The following C2CD5 variants were observed in gnomAD, a reference collection of about 807,000 sequenced individuals.
C2CD5 encodes the protein C2 calcium dependent domain containing 5, also known as C2 domain-containing protein 5.
C2CD5 carries 109 observed loss-of-function variants against 130.3 expected under a neutral mutation model. The ratio of observed to expected loss-of-function variants is 0.84; its 90% confidence interval spans 0.72 to 0.98. C2CD5 has a LOEUF of 0.98. Ranked by LOEUF, C2CD5 falls within the 50% of genes least tolerant of loss-of-function variation. The pLI is 0.00. For missense variants in C2CD5, 996 were observed against 1,261.8 expected, an observed-to-expected ratio of 0.79 and a Z score of 3.19; for synonymous variants, 454 against 429.2, an observed-to-expected ratio of 1.06 and a Z score of -0.71.
chr12:22,519,259 A>C, intron 7 of C2CD5: 1 of 1,532,836 alleles, frequency 6.5e-7, no homozygotes, highest in Non-Finnish European at 8.7e-7. Context: ...TTTGTGGTCA[A>C]AGTGGAAGAA....
intron 7 of C2CD5, among the ~76,000 whole-genome samples, chr12:22,522,640 G>T (rs1459738159): frequency 6.6e-6 from 1 of 152,150 alleles, no homozygotes; most frequent in East Asian, 1.9e-4. Context: ...TTTACAAGCA[G>T]CAGTATACTC....
chr12:22,472,215 CA>C, intron 18 of C2CD5, 70 bp downstream of exon 18: 1 of 982,778 alleles, frequency 1.0e-6, no homozygotes, highest in Non-Finnish European at 1.5e-6. Context: ...AAAAAAAAGA[CA>C]AATATTTAAA....
Position 22,482,761 on chromosome 12 carries a change from T to A in C2CD5, c.1551-18A>T. On this transcript the variant is annotated intron_variant, in intron 13 of 26. Coordinates refer to ENST00000446597, the MANE Select transcript of C2CD5 (RefSeq NM_001286176.2). ...GACATAACCTGTAAAGGAAAATAAG[T>A]CAGTGAACAGTATTCTTGGTACCAC... 6.3e-7 allele frequency: 1 copy of A among 1,595,262 alleles called. No individual in the cohort carries two copies. Among genetic ancestry groups the A allele is most frequent in the Non-Finnish European group, 8.6e-7 (1 of 1,164,312 alleles).
chr12:22,538,570 A>T (rs898109742), intron 2 of C2CD5, among the ~76,000 whole-genome samples: 4 of 152,204 alleles, frequency 2.6e-5, no homozygotes, highest in African/African-American at 9.6e-5. Flanking sequence ...GGAGGTTGTT[A>T]AGACAGCTTC....
intron 10 of C2CD5, chr12:22,502,711 A>G: frequency 2.3e-6 from 3 of 1,325,216 alleles, no homozygotes; most frequent in Non-Finnish European, 3.1e-6. Flanking sequence ...TTGTCAGCAT[A>G]TGTAGTACTG....
At chr12:22,478,779 G>A (rs1416742512) in intron 14 of C2CD5, among the ~76,000 whole-genome samples, 2 of 152,010 alleles carry the variant, frequency 1.3e-5, no homozygotes, top group South Asian at 2.1e-4. Context: ...CCGGGAGGCA[G>A]AGGTTGCAGT....
At chr12:22,513,976 A>G (rs762811219) in intron 8 of C2CD5, among the ~76,000 whole-genome samples, 1 of 152,182 alleles carries the variant, frequency 6.6e-6, no homozygotes, top group Non-Finnish European at 1.5e-5. Context: ...ACTTTTTTTA[A>G]GTAAACAAAA....
chr12:22,498,133 T>C (rs1947289445), intron 10 of C2CD5, among the ~76,000 whole-genome samples: 1 of 152,118 alleles, frequency 6.6e-6, no homozygotes, highest in African/African-American at 2.4e-5. Context: ...CTCATAAGTA[T>C]CTCTCAGGGA....
Position 22,544,181 on chromosome 12 carries a change from T to A in C2CD5, c.-29-2A>T. 3.1e-6 allele frequency: 5 copies of A among 1,605,124 alleles called. No homozygotes were observed. Among genetic ancestry groups the A allele is most frequent in the Non-Finnish European group, 4.3e-6 (5 of 1,172,146 alleles). The stretch of plus-strand genomic sequence containing the variant: ...CGGTTTCGGCCTCTTCTTGGGCTCC[T>A]GCAGAAACAAACAAACGAGTCTGCG... On this transcript the variant is annotated splice_acceptor_variant, in intron 1 of 26. Transcript: ENST00000446597. LOFTEE classifies it low-confidence loss of function (5UTR_SPLICE).
chr12:22,529,761 G>A (rs1951044464), intron 3 of C2CD5, among the ~76,000 whole-genome samples: 1 of 152,014 alleles, frequency 6.6e-6, no homozygotes, highest in African/African-American at 2.4e-5. Flanking sequence ...GCTTGGTAGG[G>A]AGGGGGCAAA....
intron 1 of C2CD5, 25 bp from the exon 2 acceptor site, chr12:22,544,204 G>A (rs1952712732): frequency 1.3e-6 from 2 of 1,563,526 alleles, no homozygotes; most frequent in Middle Eastern, 1.7e-4. Context: ...AAACGAGTCT[G>A]CGCCGAGCGC....
chr12:22,496,868 A>G (rs1947087902), intron 10 of C2CD5, among the ~76,000 whole-genome samples: 2 of 152,040 alleles, frequency 1.3e-5, no homozygotes, highest in Non-Finnish European at 2.9e-5. Context: ...ATGTCAGCAC[A>G]CTTAGGTTGA....
chr12:22,500,892 TAC>T (rs1456772910), intron 10 of C2CD5, among the ~76,000 whole-genome samples: 3 of 152,156 alleles, frequency 2.0e-5, no homozygotes, highest in Non-Finnish European at 4.4e-5. Flanking sequence ...AGCCAGGAAA[TAC>T]AGTGTAAATG....
At chr12:22,474,330 C>A in intron 16 of C2CD5, among the ~76,000 whole-genome samples, 1 of 151,228 alleles carries the variant, frequency 6.6e-6, no homozygotes, top group East Asian at 1.9e-4. Context: ...TCAATTATAC[C>A]TTTTGAATTC....
At chr12:22,475,975 C>T (rs1344616389) in intron 15 of C2CD5, among the ~76,000 whole-genome samples, 2 of 152,060 alleles carry the variant, frequency 1.3e-5, no homozygotes, top group African/African-American at 4.8e-5. Flanking sequence ...TATAATTTTA[C>T]AATAGTTTTA....
chr12:22,494,991 ATT>A (rs1259573365), intron 10 of C2CD5, among the ~76,000 whole-genome samples: 3 of 152,072 alleles, frequency 2.0e-5, no homozygotes, highest in Non-Finnish European at 4.4e-5. Context: ...AAGATGAACT[ATT>A]ATTCAAGTGG....
At chr12:22,484,983 T>C (rs1257616107) in intron 12 of C2CD5, 95 bp from the exon 13 acceptor site, 2 of 506,706 alleles carry the variant, frequency 3.9e-6, no homozygotes, top group South Asian at 5.0e-5. Context: ...ACAGTACTTG[T>C]ATACGAACTA....
Position 22,523,593 on chromosome 12 carries a change from T to C in C2CD5, c.633A>G (p.Val211=), listed in dbSNP as rs1950457403. ...GELQRKIGLK[V]LEMRGNAVVG... is the part of the protein sequence containing the mutation. Reference sequence around the variant, plus strand: ...CAACTGCATTTCCTCTCATTTCAAGTACTTTCAAGCCAATCTTCCTCTGCA... The same window carrying C: ...CAACTGCATTTCCTCTCATTTCAAGCACTTTCAAGCCAATCTTCCTCTGCA... Residue 211 remains valine (V), a synonymous_variant, in exon 7 of 27, where the codon GTA becomes GTG. Coordinates refer to ENST00000446597, the MANE Select transcript of C2CD5 (RefSeq NM_001286176.2). 2 of 1,613,768 alleles carry C rather than the reference T, an allele frequency of 1.2e-6. No homozygotes were observed. Among genetic ancestry groups the C allele is most frequent in the African/African-American group, 1.3e-5 (1 of 74,962 alleles).
chr12:22,542,769 C>T (rs560216456), intron 2 of C2CD5, among the ~76,000 whole-genome samples: 3 of 152,282 alleles, frequency 2.0e-5, no homozygotes, highest in Non-Finnish European at 2.9e-5. Context: ...AATTATTTAC[C>T]CTTCCTGGGC....
Sources: gnomAD v4.1 joint callset for allele counts (sites outside exome capture counted in the v4.1 genomes callset) on GRCh38, gnomAD v4.1.1 for gene constraint, MANE v1.5 for transcripts, NCBI Gene and HGNC (gene_info 2026-07-23, HGNC 2026-07-21) for gene names.